The following DAB1 variants were observed in gnomAD, a reference collection of about 807,000 sequenced individuals.
The protein encoded by DAB1 is disabled homolog 1.
DAB1 carries 15 observed loss-of-function variants against 64.6 expected under a neutral mutation model. That is an observed-to-expected ratio of 0.23 (90% confidence interval 0.16 to 0.36). The LOEUF (loss-of-function observed/expected upper bound fraction) is 0.36, where lower values mean the gene tolerates loss of function less well. Ranked by LOEUF, DAB1 falls within the 10% of genes least tolerant of loss-of-function variation. DAB1 has a pLI of 1.00. For missense variants in DAB1, 596 were observed against 706.7 expected (o/e 0.84, Z 1.78); for synonymous variants, 235 against 251.9 (o/e 0.93, Z 0.64).
At chr1:57,057,634 G>A (rs1425950343) in intron 9 of DAB1, among the ~76,000 whole-genome samples, 1 of 146,084 alleles carries the variant, frequency 6.8e-6, no homozygotes, top group Non-Finnish European at 1.5e-5. Context: ...TGGAGACAGA[G>A]TCTCGTTCTG....
At chr1:57,609,342 C>T (rs939688588) in intron 7 of DAB1, among the ~76,000 whole-genome samples, 5 of 152,088 alleles carry the variant, frequency 3.3e-5, no homozygotes, top group African/African-American at 1.2e-4. Context: ...ATTCGTGTAG[C>T]GTTGACATTG....
At chr1:57,951,079 C>T (rs945279087) in intron 5 of DAB1, among the ~76,000 whole-genome samples, 1 of 152,006 alleles carries the variant, frequency 6.6e-6, no homozygotes, top group Non-Finnish European at 1.5e-5. Context: ...CCCCTGCAGA[C>T]TAGTGAGCTG....
At chr1:57,655,434 C>T (rs889850905) in intron 6 of DAB1, among the ~76,000 whole-genome samples, 1 of 152,172 alleles carries the variant, frequency 6.6e-6, no homozygotes, top group South Asian at 2.1e-4. Flanking sequence ...ATCCGTCCAA[C>T]CTTCATCATT....
chr1:57,275,856 G>A (rs915538756), intron 2 of DAB1, among the ~76,000 whole-genome samples: 5 of 152,124 alleles, frequency 3.3e-5, no homozygotes, highest in East Asian at 1.9e-4. Context: ...CACTGTATCC[G>A]TTCAAGGATG....
intron 6 of DAB1, among the ~76,000 whole-genome samples, chr1:57,750,502 C>T (rs376169109): frequency 1.3e-4 from 20 of 152,154 alleles, no homozygotes; most frequent in Admixed American, 4.6e-4. Context: ...CCAGATAAAT[C>T]CTACTTCACA....
At chr1:57,367,205 G>T (rs989759215) in intron 1 of DAB1, among the ~76,000 whole-genome samples, 2 of 152,024 alleles carry the variant, frequency 1.3e-5, no homozygotes, top group African/African-American at 4.8e-5. Flanking sequence ...AGCCAGGGAG[G>T]CTGAGGCTGC....
At chr1:57,164,909 A>C (rs1661086935) in intron 2 of DAB1, among the ~76,000 whole-genome samples, 1 of 152,162 alleles carries the variant, frequency 6.6e-6, no homozygotes, top group South Asian at 2.1e-4. Flanking sequence ...ACTTTCACTA[A>C]TACCAGACAT....
At chr1:57,458,144 T>C (rs993127979) in intron 7 of DAB1, among the ~76,000 whole-genome samples, 1 of 152,176 alleles carries the variant, frequency 6.6e-6, no homozygotes, top group Non-Finnish European at 1.5e-5. Context: ...TTTACATACA[T>C]TTATTTGTAG....
intron 7 of DAB1, among the ~76,000 whole-genome samples, chr1:57,562,557 T>C (rs1269864333): frequency 6.6e-6 from 1 of 152,216 alleles, no homozygotes; most frequent in South Asian, 2.1e-4. Flanking sequence ...CTGTGGCATG[T>C]CCAGAAGGCC....
At chr1:58,078,707 T>A (rs1649801555) in intron 5 of DAB1, among the ~76,000 whole-genome samples, 1 of 152,208 alleles carries the variant, frequency 6.6e-6, no homozygotes, top group African/African-American at 2.4e-5. Context: ...TTAATATTAA[T>A]AAATATAATG....
intron 3 of DAB1, among the ~76,000 whole-genome samples, chr1:58,432,160 C>T (rs1174792917): frequency 6.6e-6 from 1 of 152,154 alleles, no homozygotes; most frequent in Admixed American, 6.5e-5. Context: ...CTCTCCATGC[C>T]CATCCTTTGC....
At chr1:57,204,761 G>A (rs1665404838) in intron 2 of DAB1, among the ~76,000 whole-genome samples, 1 of 152,134 alleles carries the variant, frequency 6.6e-6, no homozygotes, top group Admixed American at 6.5e-5. Context: ...ACAAATATAA[G>A]GTGAATTAGC....
chr1:57,793,379 G>A (rs929243405), intron 6 of DAB1, among the ~76,000 whole-genome samples: 1 of 152,192 alleles, frequency 6.6e-6, no homozygotes, highest in African/African-American at 2.4e-5. Flanking sequence ...GTTTCTCAGA[G>A]GAAGGTGCCA....
At chr1:58,450,851 T>G (rs913435764) in intron 3 of DAB1, among the ~76,000 whole-genome samples, 1 of 152,190 alleles carries the variant, frequency 6.6e-6, no homozygotes, top group Non-Finnish European at 1.5e-5. Context: ...TCAGCAGTTA[T>G]GTTGGTATCA....
chr1:57,812,576 A>C (rs185893272), intron 6 of DAB1, among the ~76,000 whole-genome samples: 10 of 152,294 alleles, frequency 6.6e-5, no homozygotes, highest in Non-Finnish European at 1.3e-4. Context: ...CAGCTGCCAG[A>C]CAGGCAGGAA....
At chr1:58,451,053 G>C (rs1439194662) in intron 3 of DAB1, among the ~76,000 whole-genome samples, 1 of 152,152 alleles carries the variant, frequency 6.6e-6, no homozygotes, top group Non-Finnish European at 1.5e-5. Flanking sequence ...AGACCAAGGA[G>C]ACACAATAAC....
intron 4 of DAB1, among the ~76,000 whole-genome samples, chr1:57,092,911 C>G (rs1653824860): frequency 6.6e-6 from 1 of 152,050 alleles, no homozygotes; most frequent in African/African-American, 2.4e-5. Flanking sequence ...TCCAGGCCTT[C>G]CTTTTCTAGG....
chr1:58,492,116 A>G (rs1227233849), intron 3 of DAB1, among the ~76,000 whole-genome samples: 2 of 152,212 alleles, frequency 1.3e-5, no homozygotes, highest in African/African-American at 4.8e-5. Context: ...AAACCCACTC[A>G]AAACCACTCA....
intron 7 of DAB1, among the ~76,000 whole-genome samples, chr1:57,460,137 T>C (rs1686734778): frequency 6.6e-6 from 1 of 152,160 alleles, no homozygotes; most frequent in African/African-American, 2.4e-5. Context: ...AAACAAACCA[T>C]TAGTTGTGAC....
Sources: allele counts gnomAD v4.1 joint callset (sites outside exome capture counted in the v4.1 genomes callset), GRCh38; gene constraint gnomAD v4.1.1; transcripts MANE v1.5; gene names NCBI Gene and HGNC (gene_info 2026-07-23, HGNC 2026-07-21).